The following MTA3 variants were observed in gnomAD, a reference collection of about 807,000 sequenced individuals.
The protein encoded by MTA3 is metastasis associated 1 family member 3.
Under a neutral mutation model 83.5 loss-of-function variants are expected in MTA3, and 34 were observed. The observed-to-expected ratio is 0.41, with a 90% CI of 0.31 to 0.54. MTA3 has a LOEUF of 0.54. Ranked by LOEUF, MTA3 falls within the 20% of genes least tolerant of loss-of-function variation. MTA3 has a pLI of 0.33. For synonymous variants in MTA3, 303 were observed against 252.7 expected, an observed-to-expected ratio of 1.20 and a Z score of -1.89; for missense variants, 761 against 726.4, an observed-to-expected ratio of 1.05 and a Z score of -0.55.
intron 16 of MTA3, among the ~76,000 whole-genome samples, chr2:42,739,895 T>C (rs1668897237): frequency 6.6e-6 from 1 of 152,252 alleles, no homozygotes; most frequent in Admixed American, 6.5e-5. Flanking sequence ...CATGAGATTG[T>C]AGCAATTTAG....
intron 14 of MTA3, among the ~76,000 whole-genome samples, chr2:42,718,446 A>T (rs1454244165): frequency 6.6e-6 from 1 of 151,140 alleles, no homozygotes; most frequent in Non-Finnish European, 1.5e-5. Flanking sequence ...GGGTTTCTCC[A>T]TGTTGGACAG....
chr2:42,661,374 G>A (rs374303482), intron 8 of MTA3, among the ~76,000 whole-genome samples: 8 of 151,786 alleles, frequency 5.3e-5, no homozygotes, highest in African/African-American at 1.7e-4. Context: ...GGTGGCATGC[G>A]CCTGTCTTCC....
chr2:42,746,315 A>C (rs1396648115), intron 16 of MTA3, among the ~76,000 whole-genome samples: 1 of 152,204 alleles, frequency 6.6e-6, no homozygotes, highest in East Asian at 1.9e-4. Flanking sequence ...AGATTTTAAA[A>C]GCCCTATTAA....
At chr2:42,682,054 A>G (rs1411607412) in intron 8 of MTA3, among the ~76,000 whole-genome samples, 2 of 152,058 alleles carry the variant, frequency 1.3e-5, no homozygotes, top group Non-Finnish European at 2.9e-5. Context: ...CATAAAATAA[A>G]AAAACTAGTC....
chr2:42,622,853 A>G (rs1424762517), intron 4 of MTA3, among the ~76,000 whole-genome samples: 2 of 152,188 alleles, frequency 1.3e-5, no homozygotes, highest in Admixed American at 6.5e-5. Flanking sequence ...CAGTCTTGAC[A>G]AACAAAAGTG....
chr2:42,630,273 A>G (rs2104250748), intron 4 of MTA3, among the ~76,000 whole-genome samples: 1 of 152,152 alleles, frequency 6.6e-6, no homozygotes, highest in East Asian at 1.9e-4. Flanking sequence ...AATTGTAACT[A>G]CATTTCTGGC....
chr2:42,530,678 G>A (rs1675921934), intron 2 of MTA3, among the ~76,000 whole-genome samples: 1 of 151,798 alleles, frequency 6.6e-6, no homozygotes, highest in Admixed American at 6.6e-5. Context: ...CCAGCTACTC[G>A]GGAGGCTGAG....
chr2:42,711,232 G>T (rs1558609487), intron 14 of MTA3, among the ~76,000 whole-genome samples: 1 of 152,070 alleles, frequency 6.6e-6, no homozygotes, highest in African/African-American at 2.4e-5. Context: ...AGGAAACTCT[G>T]TTTCCCCAGG....
At chr2:42,534,431 A>G (rs1676124089) in intron 2 of MTA3, among the ~76,000 whole-genome samples, 2 of 152,148 alleles carry the variant, frequency 1.3e-5, no homozygotes, top group Non-Finnish European at 2.9e-5. Flanking sequence ...CCCCGTCTCT[A>G]CTAAAAATAC....
chr2:42,498,841 G>C (rs534360017), intron 2 of MTA3, among the ~76,000 whole-genome samples: 1 of 152,282 alleles, frequency 6.6e-6, no homozygotes, highest in South Asian at 2.1e-4. Flanking sequence ...TTTAGCCACA[G>C]TAATTTAGAA....
chr2:42,621,386 G>A (rs1190388382), intron 4 of MTA3, among the ~76,000 whole-genome samples: 2 of 152,082 alleles, frequency 1.3e-5, no homozygotes, highest in East Asian at 1.9e-4. Context: ...ATCTTGCACC[G>A]CCATTAATCC....
chr2:42,684,568 C>T (rs1476927145), intron 9 of MTA3, among the ~76,000 whole-genome samples: 2 of 152,054 alleles, frequency 1.3e-5, no homozygotes, highest in Non-Finnish European at 2.9e-5. Flanking sequence ...ATTAATATAA[C>T]AGTTATTAAA....
chr2:42,598,182 C>G (rs1232504524), intron 3 of MTA3, among the ~76,000 whole-genome samples: 1 of 152,032 alleles, frequency 6.6e-6, no homozygotes, highest in Non-Finnish European at 1.5e-5. Context: ...AAGTGATTCT[C>G]CTGCCTCAGC....
intron 2 of MTA3, among the ~76,000 whole-genome samples, chr2:42,576,204 A>G (rs1187764193): frequency 6.6e-6 from 1 of 152,196 alleles, no homozygotes; most frequent in Admixed American, 6.5e-5. Context: ...CGGAAAGACA[A>G]GTTGATGGGC....
At position 42,553,766 on chromosome 2, in the gene MTA3, G is replaced by A. The variant is rs564744961; in HGVS notation, c.-140-16671G>A. Among the ~76,000 whole-genome samples, 260 of 148,802 alleles carry A rather than the reference G, an allele frequency of 1.7e-3. 5 individuals are homozygous for A. The highest frequency in any genetic ancestry group is 6.2e-3 in the African/African-American group (250 of 40,498). On this transcript the variant is annotated intron_variant, in intron 2 of 17. Transcript: ENST00000405592. The stretch of plus-strand genomic sequence containing the variant: ...AAAAAAAGATTGACTCTAATTTCTT[G>A]AAAAGCATCATGCATACTTGAGACT...
chr2:42,571,615 C>T (rs981868085), intron 2 of MTA3, among the ~76,000 whole-genome samples: 1 of 151,950 alleles, frequency 6.6e-6, no homozygotes, highest in African/African-American at 2.4e-5. Context: ...TTTTCCTCTT[C>T]CAGGTTTAGA....
chr2:42,618,698 C>A lies in MTA3; in HGVS notation c.317+9114C>A, dbSNP rs116517776. On this transcript the variant is annotated intron_variant, in intron 4 of 16. Transcript: ENST00000405094. ...ACATAGCTCACTGTGGCCTCCACCT[C>A]ATGGGCTCAAGTGATCCTCCTGCCT... Among the ~76,000 whole-genome samples, 709 of 152,212 alleles carry A rather than the reference C, an allele frequency of 4.7e-3. 8 individuals are homozygous for A. The highest frequency in any genetic ancestry group is 0.016 in the African/African-American group (649 of 41,536).
intron 3 of MTA3, among the ~76,000 whole-genome samples, chr2:42,603,024 C>T (rs553897968): frequency 2.6e-5 from 4 of 152,132 alleles, no homozygotes; most frequent in African/African-American, 7.2e-5. Context: ...GCCTGGAATC[C>T]AGGATGGACT....
At chr2:42,589,868 C>G (rs1356414566) in intron 3 of MTA3, among the ~76,000 whole-genome samples, 1 of 152,126 alleles carries the variant, frequency 6.6e-6, no homozygotes, top group African/African-American at 2.4e-5. Context: ...CACCAATGGT[C>G]CCTTTGTTTG....
Sources: allele counts gnomAD v4.1 joint callset (sites outside exome capture counted in the v4.1 genomes callset), GRCh38; gene constraint gnomAD v4.1.1; transcripts MANE v1.5; gene names NCBI Gene and HGNC (gene_info 2026-07-23, HGNC 2026-07-21).